Variants in BRINP3 observed in about 807,000 individuals in gnomAD.
BRINP3 encodes the protein BMP/retinoic acid inducible neural specific 3.
BRINP3 carries 19 observed loss-of-function variants against 71.0 expected under a neutral mutation model. The ratio of observed to expected loss-of-function variants is 0.27; its 90% CI spans 0.19 to 0.39. The LOEUF (loss-of-function observed/expected upper bound fraction) is 0.39, where lower values mean the gene tolerates loss of function less well. BRINP3 is among the 10% of genes least tolerant of loss of function. The pLI, the probability that BRINP3 is intolerant of heterozygous loss-of-function variation, is 1.00. For synonymous variants in BRINP3, 380 were observed against 337.7 expected (o/e 1.13, Z -1.37); for missense variants, 959 against 940.8 (o/e 1.02, Z -0.25).
In BRINP3 at chr1:190,259,653, A is replaced by C. The variant is rs546748673; in HGVS notation, c.618+5212T>G. Among the ~76,000 whole-genome samples, 220 of 151,010 alleles carry C rather than the reference A, an allele frequency of 1.5e-3. 1 individual carries two copies. The highest frequency in any genetic ancestry group is 5.3e-3 in the African/African-American group (218 of 41,296). ...AAATAAATAAATAAATAAATAAATA[A>C]ATAAATAAATAAAATAAAGTGCAAT... On this transcript the variant is annotated intron_variant, in intron 4 of 7. Transcript: ENST00000367462.
intron 2 of BRINP3, among the ~76,000 whole-genome samples, chr1:190,442,906 CT>C (rs757648847): frequency 0.011 from 1,117 of 101,566 alleles, 7 homozygotes; most frequent in African/African-American, 0.027. Flanking sequence ...GTCTCTGTAT[CT>C]TTTTTTTTTT....
intron 3 of BRINP3, among the ~76,000 whole-genome samples, chr1:190,276,267 T>C (rs1662546664): frequency 6.6e-6 from 1 of 151,740 alleles, no homozygotes; most frequent in Admixed American, 6.6e-5. Flanking sequence ...TGTTATAAAC[T>C]AAAATGAAAT....
At chr1:190,330,238 C>T (rs1004244950) in intron 2 of BRINP3, among the ~76,000 whole-genome samples, 11 of 151,732 alleles carry the variant, frequency 7.2e-5, no homozygotes, top group African/African-American at 1.7e-4. Context: ...ACTATGCATG[C>T]GACAAAGGCC....
intron 2 of BRINP3, among the ~76,000 whole-genome samples, chr1:190,449,746 A>G (rs1358556300): frequency 6.6e-6 from 1 of 152,130 alleles, no homozygotes; most frequent in Non-Finnish European, 1.5e-5. Context: ...GGGCTTAATT[A>G]TCAGTGTATA....
chr1:190,302,694 C>T (rs1664821065), intron 2 of BRINP3: 2 of 151,816 alleles, frequency 1.3e-5, no homozygotes, highest in Admixed American at 1.3e-4. Flanking sequence ...AGTCCCATGT[C>T]TTCTGCAGGT....
chr1:190,203,336 C>T (rs1655173084), intron 6 of BRINP3, among the ~76,000 whole-genome samples: 1 of 151,214 alleles, frequency 6.6e-6, no homozygotes, highest in Non-Finnish European at 1.5e-5. Flanking sequence ...CCATGAGATG[C>T]AGTTGGGATG....
intron 2 of BRINP3, among the ~76,000 whole-genome samples, chr1:190,351,427 G>T (rs1668378574): frequency 6.6e-6 from 1 of 152,042 alleles, no homozygotes; most frequent in Non-Finnish European, 1.5e-5. Flanking sequence ...AACAATTTAT[G>T]AATATTTATA....
At chr1:190,331,916 A>G (rs1558188790) in intron 2 of BRINP3, among the ~76,000 whole-genome samples, 1 of 151,964 alleles carries the variant, frequency 6.6e-6, no homozygotes, top group Non-Finnish European at 1.5e-5. Flanking sequence ...TCTCAAGGAA[A>G]TTCATTTTGT....
chr1:190,133,296 T>A (rs540730936), intron 7 of BRINP3, among the ~76,000 whole-genome samples: 1 of 152,258 alleles, frequency 6.6e-6, no homozygotes, highest in East Asian at 1.9e-4. Flanking sequence ...TGTAAAATAG[T>A]TTATTATGTG....
intron 1 of BRINP3, among the ~76,000 whole-genome samples, chr1:190,464,631 T>C (rs1210680225): frequency 2.0e-5 from 3 of 152,030 alleles, no homozygotes; most frequent in Admixed American, 2.0e-4. Flanking sequence ...TGCTTTATTA[T>C]ATATGCTTGC....
intron 2 of BRINP3, among the ~76,000 whole-genome samples, chr1:190,416,139 G>T (rs1057236126): frequency 2.0e-5 from 3 of 151,886 alleles, no homozygotes; most frequent in African/African-American, 4.8e-5. Flanking sequence ...AAATCCATTA[G>T]GTTGTCTCAA....
intron 6 of BRINP3, among the ~76,000 whole-genome samples, chr1:190,222,679 T>C (rs1409234152): frequency 4.7e-5 from 7 of 150,036 alleles, no homozygotes; most frequent in African/African-American, 7.4e-5. Flanking sequence ...ATAAATAAAA[T>C]AAGAAATGAA....
chr1:190,320,091 T>C (rs1197969337), intron 2 of BRINP3, among the ~76,000 whole-genome samples: 1 of 151,946 alleles, frequency 6.6e-6, no homozygotes, highest in Non-Finnish European at 1.5e-5. Flanking sequence ...CTTTAAGCAA[T>C]ACAATGTATA....
At chr1:190,343,889 T>G (rs1366008973) in intron 2 of BRINP3, among the ~76,000 whole-genome samples, 1 of 151,722 alleles carries the variant, frequency 6.6e-6, no homozygotes, top group African/African-American at 2.4e-5. Context: ...TCCTATAGAC[T>G]TGTTCCTAAG....
Position 190,322,390 on chromosome 1 carries a change from T to G in BRINP3, c.237-40640A>C, listed in dbSNP as rs186132653. On this transcript the variant is annotated intron_variant, in intron 2 of 7. Transcript: ENST00000367462. ...TTTGCCTGAGAACAAAATAATAGTC[T>G]GCACCCTGTGTTAAGACCGGTAGGC... 2.9e-3 allele frequency among the ~76,000 whole-genome samples: 446 copies of G among 152,196 alleles called. 2 individuals carry two copies. The highest frequency in any genetic ancestry group is 5.2e-3 in the Non-Finnish European group (352 of 68,012).
intron 2 of BRINP3, among the ~76,000 whole-genome samples, chr1:190,378,138 A>C (rs1173013004): frequency 6.6e-6 from 1 of 152,122 alleles, no homozygotes. Context: ...AAGTTAAACC[A>C]AACATGGAAA....
chr1:190,292,964 T>A (rs181892788), intron 2 of BRINP3, among the ~76,000 whole-genome samples: 51 of 152,150 alleles, frequency 3.4e-4, no homozygotes, highest in African/African-American at 1.2e-3. Flanking sequence ...TGTTTGTTCA[T>A]CTTTTTAAAA....
chr1:190,292,510 T>C (rs868246947), intron 2 of BRINP3, among the ~76,000 whole-genome samples: 1 of 152,018 alleles, frequency 6.6e-6, no homozygotes, highest in Non-Finnish European at 1.5e-5. Flanking sequence ...TAGCTTACTC[T>C]GGTGGCATTT....
intron 7 of BRINP3, among the ~76,000 whole-genome samples, chr1:190,102,736 A>G (rs2102248537): frequency 6.6e-6 from 1 of 152,188 alleles, no homozygotes; most frequent in South Asian, 2.1e-4. Flanking sequence ...TAAAAAAGCA[A>G]TTGACATGAT....
Sources: gnomAD v4.1 joint callset for allele counts (sites outside exome capture counted in the v4.1 genomes callset) on GRCh38, gnomAD v4.1.1 for gene constraint, MANE v1.5 for transcripts, NCBI Gene and HGNC (gene_info 2026-07-23, HGNC 2026-07-21) for gene names.